Variants in FHIT observed in about 807,000 individuals in gnomAD.
The protein encoded by FHIT is bis(5'-adenosyl)-triphosphatase.
In FHIT, 19 loss-of-function variants were observed where a neutral mutation model predicts 17.9. The observed-to-expected ratio is 1.06, with a 90% CI of 0.74 to 1.56. The LOEUF is 1.56. Among genes scored for constraint, FHIT ranks in the 40% most tolerant of loss-of-function variants. The probability of loss-of-function intolerance (pLI) is 0.00; values close to 1 mark genes in which losing one functional copy is unlikely to be tolerated. For synonymous variants in FHIT, 81 were observed against 69.7 expected (o/e 1.16, Z -0.81); for missense variants, 248 against 189.2 (o/e 1.31, Z -1.82).
chr3:59,849,095 G>A (rs1344086701), intron 8 of FHIT, among the ~76,000 whole-genome samples: 1 of 152,142 alleles, frequency 6.6e-6, no homozygotes, highest in Non-Finnish European at 1.5e-5. Context: ...TCTCGGCCAG[G>A]CTCAGTGGCT....
Position 60,447,466 on chromosome 3 carries a change from A to G in FHIT, c.103+89394T>C, listed in dbSNP as rs149413160. ...ATACACATATTCTATTCCAAACAAC[A>G]TGACAACTCATTCTTAGTTCAATGA... On this transcript the variant is annotated intron_variant, in intron 5 of 9. Transcript: ENST00000492590. 2.6e-4 allele frequency among the ~76,000 whole-genome samples: 39 copies of G among 152,312 alleles called. 2 individuals carry two copies. The East Asian group carries it at 7.3e-3, about 29-fold the overall frequency.
intron 5 of FHIT, among the ~76,000 whole-genome samples, chr3:60,367,630 AATTC>A (rs762859472): frequency 2.6e-5 from 4 of 152,192 alleles, no homozygotes; most frequent in Non-Finnish European, 4.4e-5. Flanking sequence ...TAGCTATTTT[AATTC>A]ATTAACTGCT....
chr3:60,504,444 T>A lies in FHIT; in HGVS notation c.103+32416A>T, dbSNP rs539718575. ...AGACCCCGTCTCAAAAAAAAAAAAATTTTTTTTTTGGTTCAACAAAGCTGC... is the reference window on the plus strand; with the variant it reads ...AGACCCCGTCTCAAAAAAAAAAAAAATTTTTTTTTGGTTCAACAAAGCTGC... On this transcript the variant is annotated intron_variant, in intron 5 of 9. Transcript: ENST00000492590. Among the ~76,000 whole-genome samples, 8 of 143,784 alleles carry A rather than the reference T, an allele frequency of 5.6e-5. No homozygotes were observed. In the East Asian group the frequency reaches 7.2e-4, roughly 13 times the overall value. The allele number at this position is 143,784 out of a possible 152,430, so 94.3% of individuals were successfully genotyped here.
intron 2 of FHIT, among the ~76,000 whole-genome samples, chr3:61,055,796 C>A (rs2034196631): frequency 6.6e-6 from 1 of 152,038 alleles, no homozygotes; most frequent in African/African-American, 2.4e-5. Flanking sequence ...TAATGAGGGA[C>A]AGAGAGAATG....
Position 60,118,779 on chromosome 3 carries a change from G to C in FHIT, c.104-104627C>G, listed in dbSNP as rs1409070337. 1.8e-3 allele frequency among the ~76,000 whole-genome samples: 203 copies of C among 111,878 alleles called. 2 individuals are homozygous for C. Among genetic ancestry groups the C allele is most frequent in the South Asian group, 0.014 (39 of 2,758 alleles). 73.4% of individuals were successfully genotyped at this position (111,878 alleles called of 152,430 possible). ...GGAGGCTGAGGTGGGGGCGGCGGGG[G>C]GGGGGGGGTGGTGAATCACCTGAAG... On this transcript the variant is annotated intron_variant, in intron 5 of 9. Coordinates refer to ENST00000492590, the MANE Select transcript of FHIT (RefSeq NM_002012.4).
intron 4 of FHIT, among the ~76,000 whole-genome samples, chr3:60,715,280 C>G (rs553785603): frequency 6.6e-6 from 1 of 151,900 alleles, no homozygotes; most frequent in African/African-American, 2.4e-5. Context: ...ATACAAAAAT[C>G]AATTCAAGAT....
chr3:60,463,147 G>A (rs2032578220), intron 5 of FHIT, among the ~76,000 whole-genome samples: 1 of 152,172 alleles, frequency 6.6e-6, no homozygotes, highest in East Asian at 1.9e-4. Flanking sequence ...GGTGGCAGAA[G>A]GCAACAGATA....
chr3:60,309,517 A>G lies in FHIT; in HGVS notation c.103+227343T>C, dbSNP rs76112140. On this transcript the variant is annotated intron_variant, in intron 5 of 9. Transcript: ENST00000492590. ...TTTAAGCCAAAAGCATAGCAAGGAA[A>G]TACTCAAGTGGTGTGACAGAGGACT... 3.0e-3 allele frequency among the ~76,000 whole-genome samples: 463 copies of G among 152,320 alleles called. 1 individual carries two copies. The highest frequency in any genetic ancestry group is 0.011 in the African/African-American group (443 of 41,576).
At chr3:60,806,759 C>T (rs1488537999) in intron 4 of FHIT, among the ~76,000 whole-genome samples, 1 of 152,178 alleles carries the variant, frequency 6.6e-6, no homozygotes, top group African/African-American at 2.4e-5. Flanking sequence ...CATGATATGG[C>T]ACACGTAGCA....
intron 5 of FHIT, among the ~76,000 whole-genome samples, chr3:60,371,517 C>G (rs1024636215): frequency 1.3e-5 from 2 of 152,082 alleles, no homozygotes; most frequent in Middle Eastern, 3.2e-3. Flanking sequence ...GCCACTGAAC[C>G]TGGCTCTCAA....
At chr3:60,977,626 C>T (rs2107545051) in intron 3 of FHIT, among the ~76,000 whole-genome samples, 1 of 152,246 alleles carries the variant, frequency 6.6e-6, no homozygotes, top group South Asian at 2.1e-4. Context: ...AATCCCAGCA[C>T]TTTGGGAGGC....
intron 3 of FHIT, among the ~76,000 whole-genome samples, chr3:60,876,426 T>C (rs929809758): frequency 6.6e-6 from 1 of 152,236 alleles, no homozygotes; most frequent in African/African-American, 2.4e-5. Context: ...TTTAAATAAC[T>C]GAATTTATTC....
At chr3:60,672,207 G>T (rs557781071) in intron 4 of FHIT, among the ~76,000 whole-genome samples, 1 of 152,226 alleles carries the variant, frequency 6.6e-6, no homozygotes, top group African/African-American at 2.4e-5. Context: ...TATCTTTCAT[G>T]CACGTCCGTG....
intron 4 of FHIT, among the ~76,000 whole-genome samples, chr3:60,654,796 G>GA (rs1386587962): frequency 4.0e-5 from 6 of 151,862 alleles, no homozygotes; most frequent in African/African-American, 1.2e-4. Flanking sequence ...TCCAACTTTG[G>GA]AAAAATCACA....
intron 8 of FHIT, among the ~76,000 whole-genome samples, chr3:59,910,328 G>A (rs1032974611): frequency 6.6e-6 from 1 of 152,176 alleles, no homozygotes; most frequent in Non-Finnish European, 1.5e-5. Flanking sequence ...CTCTCCAAAG[G>A]AGGCAATCAG....
intron 4 of FHIT, among the ~76,000 whole-genome samples, chr3:60,683,900 G>T (rs549988418): frequency 1.3e-5 from 2 of 152,198 alleles, no homozygotes; most frequent in Non-Finnish European, 2.9e-5. Flanking sequence ...CAAACAAGGG[G>T]TGTCTATATT....
intron 3 of FHIT, among the ~76,000 whole-genome samples, chr3:60,859,521 A>G (rs1422483479): frequency 6.6e-6 from 1 of 151,946 alleles, no homozygotes; most frequent in Non-Finnish European, 1.5e-5. Context: ...GGAATGTGGC[A>G]GAAGTGATGT....
chr3:60,904,956 A>AG (rs1461052791), intron 3 of FHIT, among the ~76,000 whole-genome samples: 1 of 146,822 alleles, frequency 6.8e-6, no homozygotes, highest in Non-Finnish European at 1.5e-5. Flanking sequence ...AAAAAAAAAA[A>AG]TTCTTAAAAC....
At chr3:60,435,612 G>A (rs112156190) in intron 5 of FHIT, among the ~76,000 whole-genome samples, 1,860 of 152,076 alleles carry the variant, frequency 0.012, 13 homozygotes, top group Non-Finnish European at 0.02. Flanking sequence ...ATAAATGCCA[G>A]ATTGAGTTAC....
Sources: allele counts gnomAD v4.1 joint callset (sites outside exome capture counted in the v4.1 genomes callset), GRCh38; gene constraint gnomAD v4.1.1; transcripts MANE v1.5; gene names NCBI Gene and HGNC (gene_info 2026-07-23, HGNC 2026-07-21).